The following FARS2 variants were observed in gnomAD, a reference collection of about 807,000 sequenced individuals.
The protein encoded by FARS2 is phenylalanine--tRNA ligase, mitochondrial.
FARS2 carries 40 observed loss-of-function variants against 46.4 expected under a neutral mutation model. The ratio of observed to expected loss-of-function variants is 0.86; its 90% CI spans 0.67 to 1.12. The LOEUF is 1.12. FARS2 is among the 50% of genes most tolerant of loss of function. The probability of loss-of-function intolerance (pLI) is 0.00; values close to 1 mark genes in which losing one functional copy is unlikely to be tolerated. For missense variants in FARS2, 513 were observed against 567.9 expected, an observed-to-expected ratio of 0.90 and a Z score of 0.98; for synonymous variants, 234 against 214.9, an observed-to-expected ratio of 1.09 and a Z score of -0.78.
At chr6:5,622,968 A>G (rs1489180517) in intron 6 of FARS2, among the ~76,000 whole-genome samples, 3 of 152,218 alleles carry the variant, frequency 2.0e-5, no homozygotes, top group Admixed American at 1.3e-4. Context: ...GAAATAGTTT[A>G]TGAGAAGTAG....
chr6:5,388,260 CA>C (rs780384823), intron 2 of FARS2, among the ~76,000 whole-genome samples: 2 of 152,046 alleles, frequency 1.3e-5, no homozygotes, highest in African/African-American at 2.4e-5. Context: ...ATACACTTGG[CA>C]GGGGGGAAAT....
In FARS2 at chr6:5,399,125, ATTT is replaced by A. The variant is rs200173799; in HGVS notation, c.613-5415_613-5413del. ...CCCACCTCTGGGTAGATTTTATATT[ATTT>A]TATTATTATTATTATTATTATTATT... is the stretch of plus-strand genomic sequence containing the variant. On this transcript the variant is annotated intron_variant, in intron 2 of 6. Transcript: ENST00000274680. Among the ~76,000 whole-genome samples, 15 of 135,350 alleles carry A rather than the reference ATTT, an allele frequency of 1.1e-4. No homozygotes were observed. The East Asian group carries it at 1.5e-3, about 13-fold the overall frequency. The allele number at this position is 135,350 out of a possible 152,430, so 88.8% of individuals were successfully genotyped here.
intron 1 of FARS2, among the ~76,000 whole-genome samples, chr6:5,268,201 T>C (rs960706503): frequency 6.6e-6 from 1 of 151,618 alleles, no homozygotes; most frequent in Non-Finnish European, 1.5e-5. Flanking sequence ...AGAAGCTCTT[T>C]AGTTTAATTA....
At chr6:5,475,794 T>C (rs1303053139) in intron 4 of FARS2, among the ~76,000 whole-genome samples, 2 of 152,126 alleles carry the variant, frequency 1.3e-5, no homozygotes, top group Non-Finnish European at 2.9e-5. Context: ...GAGTCCCTCT[T>C]CCACTCTTTG....
intron 5 of FARS2, chr6:5,609,696 G>A: frequency 5.0e-6 from 7 of 1,387,092 alleles, no homozygotes; most frequent in Non-Finnish European, 7.1e-6. Flanking sequence ...TGGCATTTCT[G>A]AATGACAGTC....
At chr6:5,581,318 A>G (rs535692473) in intron 5 of FARS2, among the ~76,000 whole-genome samples, 1 of 152,232 alleles carries the variant, frequency 6.6e-6, no homozygotes, top group Non-Finnish European at 1.5e-5. Flanking sequence ...AAACCCACGC[A>G]CACACATAGA....
At chr6:5,435,638 A>T (rs9378950) in intron 4 of FARS2, among the ~76,000 whole-genome samples, 1 of 151,922 alleles carries the variant, frequency 6.6e-6, no homozygotes, top group Non-Finnish European at 1.5e-5. Context: ...CACGTCCCCA[A>T]ATACTACACA....
At chr6:5,713,094 A>C (rs2150905938) in intron 6 of FARS2, among the ~76,000 whole-genome samples, 1 of 152,262 alleles carries the variant, frequency 6.6e-6, no homozygotes, top group East Asian at 1.9e-4. Flanking sequence ...TGGTCCTGGC[A>C]ATTTGGCATT....
At chr6:5,677,180 C>A (rs1247641582) in intron 6 of FARS2, among the ~76,000 whole-genome samples, 1 of 152,088 alleles carries the variant, frequency 6.6e-6, no homozygotes, top group Non-Finnish European at 1.5e-5. Context: ...ATAACAAATT[C>A]TTGAGCAAAC....
intron 4 of FARS2, among the ~76,000 whole-genome samples, chr6:5,510,590 G>T (rs1038812083): frequency 4.6e-5 from 7 of 152,246 alleles, no homozygotes; most frequent in African/African-American, 1.7e-4. Context: ...TGAGCTGTTT[G>T]TGTGCGGAGC....
intron 6 of FARS2, among the ~76,000 whole-genome samples, chr6:5,738,051 C>T (rs893684254): frequency 5.9e-5 from 9 of 152,160 alleles, no homozygotes; most frequent in South Asian, 2.1e-4. Context: ...CTTAGGCTCA[C>T]GCAATCCTCC....
At chr6:5,476,339 A>G (rs1000779074) in intron 4 of FARS2, among the ~76,000 whole-genome samples, 4 of 151,452 alleles carry the variant, frequency 2.6e-5, no homozygotes, top group Admixed American at 2.6e-4. Flanking sequence ...CTTTTATATC[A>G]CTCTGCTTTA....
At chr6:5,338,531 C>T (rs1245673513) in intron 1 of FARS2, among the ~76,000 whole-genome samples, 1 of 152,168 alleles carries the variant, frequency 6.6e-6, no homozygotes, top group African/African-American at 2.4e-5. Flanking sequence ...CAGTGACTTT[C>T]CTCATGCTCT....
intron 6 of FARS2, among the ~76,000 whole-genome samples, chr6:5,759,732 G>A (rs757937153): frequency 2.0e-5 from 3 of 152,126 alleles, no homozygotes; most frequent in East Asian, 1.9e-4. Context: ...AATCCAGGGC[G>A]AGTGAGGAGA....
At chr6:5,610,398 G>A (rs1203637154) in intron 5 of FARS2, among the ~76,000 whole-genome samples, 1 of 151,384 alleles carries the variant, frequency 6.6e-6, no homozygotes, top group Admixed American at 6.6e-5. Context: ...TTTCACATCT[G>A]TGGATTCAGC....
intron 6 of FARS2, among the ~76,000 whole-genome samples, chr6:5,636,936 C>T (rs1776574407): frequency 6.6e-6 from 1 of 152,224 alleles, no homozygotes; most frequent in African/African-American, 2.4e-5. Context: ...CACAGCGTGC[C>T]CCAGGGCCTC....
intron 4 of FARS2, among the ~76,000 whole-genome samples, chr6:5,499,678 G>A (rs1205958661): frequency 6.6e-6 from 1 of 152,136 alleles, no homozygotes; most frequent in Admixed American, 6.6e-5. Context: ...TGAACTTCAG[G>A]ATCATTGTCT....
intron 6 of FARS2, among the ~76,000 whole-genome samples, chr6:5,658,777 C>T (rs975005727): frequency 2.6e-5 from 4 of 152,144 alleles, no homozygotes; most frequent in Admixed American, 2.6e-4. Context: ...GCATCTTCCC[C>T]CCACCCCAAT....
chr6:5,622,240 A>G (rs934480608), intron 6 of FARS2, among the ~76,000 whole-genome samples: 1 of 152,320 alleles, frequency 6.6e-6, no homozygotes, highest in Admixed American at 6.5e-5. Context: ...AGGGCTCATC[A>G]GATTTTTTAC....
Sources: allele counts gnomAD v4.1 joint callset (sites outside exome capture counted in the v4.1 genomes callset), GRCh38; gene constraint gnomAD v4.1.1; transcripts MANE v1.5; gene names NCBI Gene and HGNC (gene_info 2026-07-23, HGNC 2026-07-21).